CFAP61: variants seen among roughly 807,000 people sequenced by gnomAD.
CFAP61 encodes cilia- and flagella-associated protein 61.
CFAP61 carries 107 observed loss-of-function variants against 135.6 expected under a neutral mutation model. That is an observed-to-expected ratio of 0.79 (90% CI 0.67 to 0.93). CFAP61 has a LOEUF of 0.93. CFAP61 is among the 40% of genes least tolerant of loss of function. The pLI, the probability that CFAP61 is intolerant of heterozygous loss-of-function variation, is 0.00. For missense variants in CFAP61, 1,507 were observed against 1,556.2 expected, an observed-to-expected ratio of 0.97 and a Z score of 0.53; for synonymous variants, 575 against 578.5, an observed-to-expected ratio of 0.99 and a Z score of 0.09.
At position 20,142,915 on chromosome 20, in the gene CFAP61, A is replaced by G; in HGVS notation, c.918A>G (p.Glu306=). The change falls in exon 9 of 27, where the codon GAA becomes GAG. Residue 306 remains glutamate, a synonymous_variant. Coordinates refer to ENST00000245957, the MANE Select transcript of CFAP61 (RefSeq NM_015585.4). The part of the protein sequence containing the change: ...GSQKIVEELQ[E]PVSPDTMENI... ...AAAAAATAGTCGAGGAGTTGCAGGA[A>G]CCTGTCTCTCCAGATACCATGGAAA... 1.2e-6 allele frequency: 2 copies of G among 1,600,628 alleles called. No individual in the cohort carries two copies. The highest frequency in any genetic ancestry group is 1.7e-6 in the Non-Finnish European group (2 of 1,172,548).
At chr20:20,213,960 AT>A (rs1306818648) in intron 17 of CFAP61, among the ~76,000 whole-genome samples, 1 of 146,308 alleles carries the variant, frequency 6.8e-6, no homozygotes, top group African/African-American at 2.6e-5. Flanking sequence ...AGAGTGTTTC[AT>A]CAGGTATTAT....
chr20:20,089,146 A>G (rs2047004174), intron 6 of CFAP61, among the ~76,000 whole-genome samples: 1 of 150,724 alleles, frequency 6.6e-6, no homozygotes. Context: ...AGTCAAAATA[A>G]AGGAAGATTT....
intron 6 of CFAP61, 45 bp downstream of exon 6, chr20:20,075,660 C>T (rs763305473): frequency 3.9e-5 from 62 of 1,603,944 alleles, no homozygotes; most frequent in Admixed American, 3.7e-4. Flanking sequence ...TTCACTGGGA[C>T]AGTCATCTTC....
At chr20:20,127,066 G>A (rs150282503) in intron 8 of CFAP61, among the ~76,000 whole-genome samples, 2 of 151,572 alleles carry the variant, frequency 1.3e-5, no homozygotes, top group East Asian at 3.9e-4. Flanking sequence ...TTTCCTGAAT[G>A]TTTTATTGTT....
intron 8 of CFAP61, among the ~76,000 whole-genome samples, chr20:20,113,726 T>C (rs1261179719): frequency 6.6e-6 from 1 of 152,150 alleles, no homozygotes; most frequent in African/African-American, 2.4e-5. Flanking sequence ...CTAAGTACCA[T>C]TTATTGAAAA....
intron 25 of CFAP61, among the ~76,000 whole-genome samples, chr20:20,320,255 G>A (rs1400016765): frequency 7.0e-6 from 1 of 142,686 alleles, no homozygotes; most frequent in Non-Finnish European, 1.5e-5. Flanking sequence ...TTGAAACCTG[G>A]AGAGTTAATG....
intron 2 of CFAP61, among the ~76,000 whole-genome samples, chr20:20,058,584 A>G (rs2044551834): frequency 6.6e-6 from 1 of 152,220 alleles, no homozygotes; most frequent in Admixed American, 6.5e-5. Context: ...ACAAGATATA[A>G]ACCCACTAAA....
At chr20:20,266,893 C>T (rs545793797) in intron 21 of CFAP61, among the ~76,000 whole-genome samples, 2 of 152,126 alleles carry the variant, frequency 1.3e-5, no homozygotes, top group African/African-American at 4.8e-5. Context: ...GATTACATGC[C>T]ATACTCAGGA....
chr20:20,231,723 G>A (rs1049801236), intron 18 of CFAP61, among the ~76,000 whole-genome samples: 1 of 152,216 alleles, frequency 6.6e-6, no homozygotes, highest in African/African-American at 2.4e-5. Flanking sequence ...TCAGGAGCTG[G>A]GCAGGGCAAG....
Position 20,359,606 on chromosome 20 carries a change from G to A in CFAP61, c.3514-604G>A, listed in dbSNP as rs2059400811. On this transcript the variant is annotated intron_variant, in intron 26 of 26. Transcript: ENST00000245957. This position sits in a 1 kb window ranked among gnomAD's most constrained non-coding sequence, Gnocchi z 4.0. ...TTGAACCTGGTAGGCGGAGGTTGCAGTGAGCCGAGATCATGCCATTGCACT... is the reference window on the plus strand; with the variant it reads ...TTGAACCTGGTAGGCGGAGGTTGCAATGAGCCGAGATCATGCCATTGCACT... Among the ~76,000 whole-genome samples the A allele has an allele frequency of 6.6e-6, 1 of 152,206 alleles. No homozygotes were observed. The highest frequency in any genetic ancestry group is 2.1e-4 in the South Asian group (1 of 4,828).
chr20:20,143,996 C>G (rs1266284749), intron 9 of CFAP61, among the ~76,000 whole-genome samples: 1 of 152,174 alleles, frequency 6.6e-6, no homozygotes, highest in African/African-American at 2.4e-5. Flanking sequence ...TTATGATTTG[C>G]AAGAGAGTAC....
At chr20:20,317,776 A>G (rs2057222713) in intron 25 of CFAP61, among the ~76,000 whole-genome samples, 1 of 152,250 alleles carries the variant, frequency 6.6e-6, no homozygotes, top group Non-Finnish European at 1.5e-5. Context: ...GGGATCCCAG[A>G]GTTTCACGGC....
intron 14 of CFAP61, among the ~76,000 whole-genome samples, chr20:20,190,819 A>G (rs1300005448): frequency 6.6e-6 from 1 of 152,132 alleles, no homozygotes; most frequent in Non-Finnish European, 1.5e-5. Flanking sequence ...TATTAAGTTT[A>G]TTAAGTCTCA....
chr20:20,077,938 G>C (rs1013904284), intron 6 of CFAP61, among the ~76,000 whole-genome samples: 1 of 152,120 alleles, frequency 6.6e-6, no homozygotes, highest in African/African-American at 2.4e-5. Context: ...ATTCTCTCTT[G>C]GATCAGGAAA....
intron 21 of CFAP61, among the ~76,000 whole-genome samples, chr20:20,269,192 T>TAG: frequency 1.1e-5 from 1 of 94,740 alleles, no homozygotes; most frequent in South Asian, 3.2e-4. Context: ...CACACACATA[T>TAG]ATACATATAT....
chr20:20,119,953 G>A (rs1886385400), intron 8 of CFAP61, among the ~76,000 whole-genome samples: 1 of 152,086 alleles, frequency 6.6e-6, no homozygotes, highest in Admixed American at 6.6e-5. Context: ...CCATGTTCCT[G>A]CAAAGGCTGC....
chr20:20,059,326 CAAAAAA>C (rs11458923), intron 2 of CFAP61, among the ~76,000 whole-genome samples: 71 of 45,490 alleles, frequency 1.6e-3, no homozygotes, highest in African/African-American at 5.9e-3. Context: ...GACTCTGTCT[CAAAAAA>C]AAAAAAAAAA....
At chr20:20,089,614 A>T (rs2047041560) in intron 6 of CFAP61, among the ~76,000 whole-genome samples, 1 of 151,874 alleles carries the variant, frequency 6.6e-6, no homozygotes, top group Non-Finnish European at 1.5e-5. Context: ...AAAGTATAAG[A>T]ACATCCCACA....
chr20:20,061,300 T>G (rs777928082), intron 2 of CFAP61, among the ~76,000 whole-genome samples: 4 of 152,102 alleles, frequency 2.6e-5, no homozygotes, highest in Non-Finnish European at 5.9e-5. Flanking sequence ...AATTACAGAA[T>G]AAGAAAATAA....
Sources: allele counts gnomAD v4.1 joint callset (sites outside exome capture counted in the v4.1 genomes callset), GRCh38; gene constraint gnomAD v4.1.1; non-coding constraint Gnocchi (gnomAD v3.1); transcripts MANE v1.5; gene names NCBI Gene and HGNC (gene_info 2026-07-23, HGNC 2026-07-21).